FBXO11: variants seen among roughly 807,000 people sequenced by gnomAD.
The protein encoded by FBXO11 is F-box only protein 11.
FBXO11 carries 13 observed loss-of-function variants against 117.0 expected under a neutral mutation model. The ratio of observed to expected loss-of-function variants is 0.11; its 90% CI spans 0.07 to 0.18. The LOEUF is 0.18. FBXO11 is among the 10% of genes least tolerant of loss of function. The pLI, the probability that FBXO11 is intolerant of heterozygous loss-of-function variation, is 1.00. For synonymous variants in FBXO11, 490 were observed against 380.5 expected (o/e 1.29, Z -3.35); for missense variants, 767 against 1,164.4 (o/e 0.66, Z 4.97).
chr2:47,833,890 A>G (rs1016394028), intron 7 of FBXO11, among the ~76,000 whole-genome samples: 5 of 151,194 alleles, frequency 3.3e-5, no homozygotes, highest in African/African-American at 1.2e-4. Flanking sequence ...CCAGTCTTTA[A>G]CTCCTGACCT....
At position 47,906,041 on chromosome 2, in the gene FBXO11, G is replaced by GCCGCTT. The variant is rs1678790770; in HGVS notation, c.-327_-322dup. 1 of 253,274 alleles carries GCCGCTT rather than the reference G, an allele frequency of 3.9e-6. No homozygotes were observed. Among genetic ancestry groups the GCCGCTT allele is most frequent in the Admixed American group, 5.8e-5 (1 of 17,242 alleles). The allele number at this position is 253,274 out of a possible 1,614,324, so 15.7% of individuals were successfully genotyped here. ...CGAGAGAAAGAAAGAAAGGGCGTCC[G>GCCGCTT]CCGCTTGGGGATCCCGAGGCGAAGC... On this transcript the variant is annotated 5_prime_UTR_variant, in exon 1 of 23. Transcript: ENST00000403359.
chr2:47,853,800 C>G (rs1302657915), intron 1 of FBXO11, among the ~76,000 whole-genome samples: 1 of 152,112 alleles, frequency 6.6e-6, no homozygotes, highest in African/African-American at 2.4e-5. Flanking sequence ...CTGAAAGTTA[C>G]CAAGGTCCAC....
intron 11 of FBXO11, among the ~76,000 whole-genome samples, chr2:47,823,894 T>A (rs1572786673): frequency 6.6e-6 from 1 of 152,132 alleles, no homozygotes; most frequent in Non-Finnish European, 1.5e-5. Flanking sequence ...TTGTCCAGGC[T>A]GGAGTACAGG....
In FBXO11 at chr2:47,885,974, C is replaced by G. The variant is rs141212560; in HGVS notation, c.232+19515G>C. 2.1e-3 allele frequency among the ~76,000 whole-genome samples: 322 copies of G among 152,312 alleles called. 2 individuals are homozygous for G. Among genetic ancestry groups the G allele is most frequent in the Non-Finnish European group, 2.0e-3 (136 of 68,030 alleles). ...CTAACACTAGTTGCCTCTTTACTCTCAAGTATCTCATGTATTCATTCATTC... is the reference window on the plus strand; with the variant it reads ...CTAACACTAGTTGCCTCTTTACTCTGAAGTATCTCATGTATTCATTCATTC... On this transcript the variant is annotated intron_variant, in intron 1 of 22. Coordinates refer to ENST00000403359, the MANE Select transcript of FBXO11 (RefSeq NM_001190274.2).
chr2:47,883,062 T>C (rs1676553547), intron 1 of FBXO11, among the ~76,000 whole-genome samples: 1 of 152,206 alleles, frequency 6.6e-6, no homozygotes, highest in Non-Finnish European at 1.5e-5. Context: ...AATCTTCTCT[T>C]GTAGAACTAT....
At chr2:47,882,387 A>G (rs1187681107) in intron 1 of FBXO11, among the ~76,000 whole-genome samples, 2 of 152,166 alleles carry the variant, frequency 1.3e-5, no homozygotes, top group Non-Finnish European at 2.9e-5. Context: ...CTTTCTGGTC[A>G]GTTTTCCCTG....
chr2:47,834,737 C>T, intron 6 of FBXO11, 26 bp from the exon 7 acceptor site: 2 of 1,609,760 alleles, frequency 1.2e-6, no homozygotes, highest in Non-Finnish European at 1.7e-6. Context: ...TGTGTCAGTA[C>T]AGAACTGAAA....
chr2:47,857,125 C>A (rs1674358628), intron 1 of FBXO11, among the ~76,000 whole-genome samples: 1 of 152,174 alleles, frequency 6.6e-6, no homozygotes, highest in African/African-American at 2.4e-5. Flanking sequence ...GCACACAATT[C>A]TTTTAATTAG....
chr2:47,856,836 G>C (rs1027177140), intron 1 of FBXO11, among the ~76,000 whole-genome samples: 1 of 152,168 alleles, frequency 6.6e-6, no homozygotes, highest in African/African-American at 2.4e-5. Flanking sequence ...CAATGTAAAA[G>C]GCAAGAACCA....
Position 47,807,352 on chromosome 2 carries a change from T to C in FBXO11, c.*766A>G, listed in dbSNP as rs1355412699. On this transcript the variant is annotated 3_prime_UTR_variant, in exon 23 of 23. Transcript: ENST00000403359. ...AAGAATACTTTTGTTTTACAGTGCA[T>C]CCCTTCCTAGGAAGTCTCATTAAAA... 4.7e-6 allele frequency: 1 copy of C among 211,936 alleles called. No homozygotes were observed. The highest frequency in any genetic ancestry group is 2.3e-5 in the African/African-American group (1 of 44,046). 13.1% of individuals were successfully genotyped at this position (211,936 alleles called of 1,614,324 possible). A position where few individuals can be genotyped will look rare whatever the true frequency, so the allele number is the denominator to read the frequency against.
At chr2:47,854,654 G>A (rs1395537006) in intron 1 of FBXO11, among the ~76,000 whole-genome samples, 2 of 151,930 alleles carry the variant, frequency 1.3e-5, no homozygotes, top group Non-Finnish European at 2.9e-5. Context: ...AGAATTATGT[G>A]GAAGTTTGGT....
rs1458396588 is a variant in FBXO11 at position 47,883,796 on chromosome 2, T to G, written c.232+21693A>C. The G allele has an allele frequency of 2.2e-5, 5 of 226,808 alleles. No homozygotes were observed. In the East Asian group the frequency reaches 5.9e-4, roughly 27 times the overall value. The allele number at this position is 226,808 out of a possible 1,614,324, so 14.0% of individuals were successfully genotyped here. A position where few individuals can be genotyped will look rare whatever the true frequency, so the allele number is the denominator to read the frequency against. Reference sequence around the variant, plus strand: ...TATGAGAATGGTAAAATTAGTCGCCTTAGTCGGGAGTGCCCTTCAGATGAA... The same window carrying G: ...TATGAGAATGGTAAAATTAGTCGCCGTAGTCGGGAGTGCCCTTCAGATGAA... On this transcript the variant is annotated intron_variant, in intron 1 of 22. Transcript: ENST00000403359.
At chr2:47,895,731 C>T (rs1019717213) in intron 1 of FBXO11, among the ~76,000 whole-genome samples, 10 of 152,092 alleles carry the variant, frequency 6.6e-5, no homozygotes, top group African/African-American at 2.4e-4. Flanking sequence ...TTCACTCTTT[C>T]ACCCAGGCTG....
chr2:47,812,463 TTG>T (rs1670686386), intron 18 of FBXO11, among the ~76,000 whole-genome samples: 1 of 152,230 alleles, frequency 6.6e-6, no homozygotes, highest in South Asian at 2.1e-4. Context: ...CCATTCTGTA[TTG>T]TGTGTCTTCA....
intron 1 of FBXO11, among the ~76,000 whole-genome samples, chr2:47,903,335 G>C (rs1678442402): frequency 6.6e-6 from 1 of 152,108 alleles, no homozygotes; most frequent in African/African-American, 2.4e-5. Context: ...AAAACAGTTT[G>C]TACTAGCTGC....
In FBXO11 at chr2:47,809,610, C is replaced by T. The variant is rs148676301; in HGVS notation, c.2436G>A (p.Val812=). The T allele has an allele frequency of 3.6e-4, 578 of 1,611,044 alleles. No homozygotes were observed. Among genetic ancestry groups the T allele is most frequent in the Non-Finnish European group, 4.6e-4 (541 of 1,177,932 alleles). The change falls in exon 20 of 23, where the codon GTG becomes GTA. Residue 812 remains valine, a synonymous_variant. Transcript: ENST00000403359. ...GGLFLASGVN[V]TMKDNKIMNN... ...CAGACTCCAACATACCTTTCATTGT[C>T]ACATTAACACCAGATGCTAAAAATA...
rs1487531515 is a variant in FBXO11 at position 47,906,475 on chromosome 2, C to T, written c.-755G>A. ...GCTCCGTGGCAGGAGGAGCCATTGA[C>T]ACCGCCGGAGCCTCCACTCGCCCAG... On this transcript the variant is annotated 5_prime_UTR_variant, in exon 1 of 23. Transcript: ENST00000403359. Among the ~76,000 whole-genome samples the T allele has an allele frequency of 6.6e-6, 1 of 151,838 alleles. No homozygotes were observed. Among genetic ancestry groups the T allele is most frequent in the Non-Finnish European group, 1.5e-5 (1 of 67,918 alleles).
At chr2:47,827,567 G>C (rs754150549) in intron 11 of FBXO11, among the ~76,000 whole-genome samples, 4 of 152,088 alleles carry the variant, frequency 2.6e-5, no homozygotes, top group Admixed American at 6.6e-5. Flanking sequence ...TCGGCTTCCC[G>C]AAGTGCTGGG....
intron 4 of FBXO11, among the ~76,000 whole-genome samples, chr2:47,836,364 T>C (rs928829098): frequency 6.6e-6 from 1 of 152,194 alleles, no homozygotes. Context: ...ATGGAAATTA[T>C]GTTTTTTTCC....
Sources: gnomAD v4.1 joint callset for allele counts (sites outside exome capture counted in the v4.1 genomes callset) on GRCh38, gnomAD v4.1.1 for gene constraint, MANE v1.5 for transcripts, NCBI Gene and HGNC (gene_info 2026-07-23, HGNC 2026-07-21) for gene names.